Variants in SIGIRR observed in about 807,000 individuals in gnomAD.
SIGIRR encodes single Ig and TIR domain containing, also known as single Ig IL-1-related receptor.
Under a neutral mutation model 45.6 loss-of-function variants are expected in SIGIRR, and 41 were observed. That is an observed-to-expected ratio of 0.90 (90% confidence interval 0.70 to 1.17). The LOEUF is 1.17. Among genes scored for constraint, SIGIRR ranks in the 50% most tolerant of loss-of-function variants. SIGIRR has a pLI of 0.00. For missense variants in SIGIRR, 599 were observed against 539.6 expected, an observed-to-expected ratio of 1.11 and a Z score of -1.09; for synonymous variants, 298 against 239.0, an observed-to-expected ratio of 1.25 and a Z score of -2.28.
chr11:407,967 G>C lies in SIGIRR; in HGVS notation c.341-10C>G. On this transcript the variant is annotated splice_polypyrimidine_tract_variant and intron_variant, in intron 4 of 9. Transcript: ENST00000431843. ...ACGTGGCTTGTAGGGCCTGCGGATG[G>C]GTTGCCTGAGCCGCTGCCCCTCCAG... 6.2e-7 allele frequency: 1 copy of C among 1,603,398 alleles called. No individual in the cohort carries two copies. The highest frequency in any genetic ancestry group is 8.5e-7 in the Non-Finnish European group (1 of 1,174,210).
chr11:412,794 G>A (rs1043644635), intron 1 of SIGIRR, among the ~76,000 whole-genome samples: 19 of 151,920 alleles, frequency 1.3e-4, no homozygotes, highest in Admixed American at 9.8e-4. Context: ...CAGACACCTC[G>A]AAACACCTCG....
upstream of SIGIRR, among the ~76,000 whole-genome samples, chr11:415,943 C>T (rs1045490445): frequency 2.0e-5 from 3 of 152,208 alleles, no homozygotes; most frequent in African/African-American, 7.2e-5. This position sits in a 1 kb window ranked among gnomAD's most constrained non-coding sequence, Gnocchi z 6.6. Flanking sequence ...AGCCTCCCGG[C>T]CCTGGCTGAG....
chr11:409,507 G>T, intron 2 of SIGIRR: 1 of 340,698 alleles, frequency 2.9e-6, no homozygotes, highest in African/African-American at 2.1e-5. Context: ...TTTACATCAG[G>T]GTGATGAGCC....
chr11:415,186 A>G (rs1156333846), upstream of SIGIRR, among the ~76,000 whole-genome samples: 1 of 142,154 alleles, frequency 7.0e-6, no homozygotes, highest in Non-Finnish European at 1.5e-5. The surrounding 1 kb of genome is among the most constrained non-coding windows in gnomAD (Gnocchi z 6.6). Context: ...CCACCCAGGC[A>G]CGGCACTTTC....
intron 9 of SIGIRR, 129 bp from the exon 10 acceptor site, chr11:406,188 C>A: frequency 6.5e-7 from 1 of 1,537,626 alleles, no homozygotes; most frequent in Non-Finnish European, 8.7e-7. Flanking sequence ...CCAGGCAGAC[C>A]GAGGGCCGAG....
rs201819873 is a variant in SIGIRR at position 408,063 on chromosome 11, C to T, written c.340+10G>A. ...CCCTTCTACCCTCCACCTTGGGGAA[C>T]CCCCATCACCAGCTCTCTGAAGAGT... is the stretch of plus-strand genomic sequence containing the variant. On this transcript the variant is annotated intron_variant, in intron 4 of 9. Coordinates refer to ENST00000431843, the MANE Select transcript of SIGIRR (RefSeq NM_001135054.2). 1.2e-6 allele frequency: 2 copies of T among 1,612,532 alleles called. No individual in the cohort carries two copies. Among genetic ancestry groups the T allele is most frequent in the Non-Finnish European group, 1.7e-6 (2 of 1,179,824 alleles).
chr11:407,304 GGGTGGGCGGGGATGGGGGCGGAGCTCGAT>G, intron 6 of SIGIRR, 92 bp downstream of exon 6: 1 of 811,938 alleles, frequency 1.2e-6, no homozygotes, highest in Non-Finnish European at 1.8e-6. Flanking sequence ...GCGGGGCCTC[GGGTGGGCGGGGATGGGGGCGGAGCTCGAT>G]GGTGGGGGTG....
intron 1 of SIGIRR, among the ~76,000 whole-genome samples, chr11:410,592 T>C (rs1437923943): frequency 2.3e-4 from 17 of 72,742 alleles, no homozygotes; most frequent in South Asian, 6.1e-4. Flanking sequence ...GGGGCTTTGC[T>C]TAGCTCTGAC....
chr11:416,734 C>A (rs1847894130), upstream of SIGIRR, among the ~76,000 whole-genome samples: 1 of 152,120 alleles, frequency 6.6e-6, no homozygotes, highest in African/African-American at 2.4e-5. The surrounding 1 kb of genome is among the most constrained non-coding windows in gnomAD (Gnocchi z 9.1). Flanking sequence ...TGCGGCCCCG[C>A]AGGCCGAGGG....
At chr11:413,345 C>T (rs1177538172) in intron 1 of SIGIRR, among the ~76,000 whole-genome samples, 1 of 152,042 alleles carries the variant, frequency 6.6e-6, no homozygotes, top group Non-Finnish European at 1.5e-5. Flanking sequence ...TGAAGAAGTC[C>T]TTTGCGGTGG....
upstream of SIGIRR, among the ~76,000 whole-genome samples, chr11:417,002 C>T (rs1052680457): frequency 6.6e-6 from 1 of 152,180 alleles, no homozygotes; most frequent in African/African-American, 2.4e-5. The surrounding 1 kb of genome is among the most constrained non-coding windows in gnomAD (Gnocchi z 4.2). Context: ...GAGGTGGGAT[C>T]CCTGCGCGCC....
At chr11:407,741 C>G in intron 5 of SIGIRR, 76 bp downstream of exon 5, 1 of 1,598,968 alleles carries the variant, frequency 6.3e-7, no homozygotes, top group Non-Finnish European at 8.5e-7. Context: ...CCGCACGCCT[C>G]CAAAGCCGAG....
Position 405,859 on chromosome 11 carries a change from C to T in SIGIRR, c.*37G>A. On this transcript the variant is annotated 3_prime_UTR_variant, in exon 10 of 10. Coordinates refer to ENST00000431843, the MANE Select transcript of SIGIRR (RefSeq NM_001135054.2). The stretch of plus-strand genomic sequence containing the variant: ...GAGGAGCGACGCCGCTGCCCTGGCC[C>T]CCGCTGTCCCTATGATCCTGCACTC... The T allele has an allele frequency of 1.3e-6, 2 of 1,551,796 alleles. No homozygotes were observed. The highest frequency in any genetic ancestry group is 1.7e-6 in the Non-Finnish European group (2 of 1,144,104).
In SIGIRR at chr11:407,836, A is replaced by T. The variant is rs1297993921; in HGVS notation, c.462T>A (p.Tyr154Ter). The change falls in exon 5 of 10, where the codon TAT becomes TAA. Residue 154 changes from tyrosine to a stop codon, truncating the protein, a stop_gained. Coordinates refer to ENST00000431843, the MANE Select transcript of SIGIRR (RefSeq NM_001135054.2). LOFTEE classifies it high-confidence loss of function. ...ACGCACCGTTTATCTCCACCTCCCCATACGCGTCCTGGTACCAGAGCAGCA... is the reference window on the plus strand; with the variant it reads ...ACGCACCGTTTATCTCCACCTCCCCTTACGCGTCCTGGTACCAGAGCAGCA... ...LNVLLWYQDA[Y>*]GEVEINDGKL... is the part of the protein sequence containing the mutation. 6.2e-7 allele frequency: 1 copy of T among 1,612,392 alleles called. No individual in the cohort carries two copies. The highest frequency in any genetic ancestry group is 1.3e-5 in the African/African-American group (1 of 74,912).
chr11:416,243 G>C (rs902040037), upstream of SIGIRR, among the ~76,000 whole-genome samples: 9 of 152,072 alleles, frequency 5.9e-5, no homozygotes, highest in Non-Finnish European at 8.8e-5. The surrounding 1 kb of genome is among the most constrained non-coding windows in gnomAD (Gnocchi z 9.1). Context: ...ACAGGCCCTG[G>C]GGTCAGCCGC....
In SIGIRR at chr11:407,581, G is replaced by A; in HGVS notation, c.482-13C>T. 1.9e-6 allele frequency: 3 copies of A among 1,604,950 alleles called. No homozygotes were observed. Among genetic ancestry groups the A allele is most frequent in the South Asian group, 1.1e-5 (1 of 90,446 alleles). On this transcript the variant is annotated splice_polypyrimidine_tract_variant and intron_variant, in intron 5 of 9. Coordinates refer to ENST00000431843, the MANE Select transcript of SIGIRR (RefSeq NM_001135054.2). ...TAGAGCTTCCCGTCTGCGGACGGCG[G>A]CCAGTCACCCCGATGGCTCCCGAGG...
intron 6 of SIGIRR, 93 bp from the exon 7 acceptor site, chr11:407,257 G>T: frequency 1.6e-6 from 1 of 625,382 alleles, no homozygotes; most frequent in East Asian, 3.8e-5. Context: ...GAGCTCTAAG[G>T]GAGGGGCGGG....
Position 407,106 on chromosome 11 carries a change from AAGCACCACG to A in SIGIRR, c.675_683del (p.Val226_Leu228del). 6.6e-7 allele frequency: 1 copy of A among 1,526,030 alleles called. No individual in the cohort carries two copies. The highest frequency in any genetic ancestry group is 1.3e-5 in the South Asian group (1 of 78,908). 94.5% of individuals were successfully genotyped at this position (1,526,030 alleles called of 1,614,324 possible). ...AGGCCCGGCTCAGGAAGGCGTCCGA[AAGCACCACG>A]ATGAGGCGTCGGCAGCGGCTCAGGT... is the stretch of plus-strand genomic sequence containing the variant. On this transcript the variant is annotated inframe_deletion, in exon 7 of 10. Transcript: ENST00000431843.
Position 406,827 on chromosome 11 carries a change from C to T in SIGIRR, c.879+16G>A. The T allele has an allele frequency of 6.6e-7, 1 of 1,521,008 alleles. No individual in the cohort carries two copies. Among genetic ancestry groups the T allele is most frequent in the Admixed American group, 2.1e-5 (1 of 48,706 alleles). 94.2% of individuals were successfully genotyped at this position (1,521,008 alleles called of 1,614,324 possible). A position where few individuals can be genotyped will look rare whatever the true frequency, so the allele number is the denominator to read the frequency against. On this transcript the variant is annotated intron_variant, in intron 8 of 9. Coordinates refer to ENST00000431843, the MANE Select transcript of SIGIRR (RefSeq NM_001135054.2). ...ACCCGCCGCTAGCCCCGGACCCTCCCGCGCCTGCTCCGCACCACGGAGCCG... is the reference window on the plus strand; with the variant it reads ...ACCCGCCGCTAGCCCCGGACCCTCCTGCGCCTGCTCCGCACCACGGAGCCG...
Sources: allele counts gnomAD v4.1 joint callset (sites outside exome capture counted in the v4.1 genomes callset), GRCh38; gene constraint gnomAD v4.1.1; non-coding constraint Gnocchi (gnomAD v3.1); transcripts MANE v1.5; gene names NCBI Gene and HGNC (gene_info 2026-07-23, HGNC 2026-07-21).